Variants in SPOCK3 observed in about 807,000 individuals in gnomAD.
SPOCK3 encodes SPARC (osteonectin), cwcv and kazal like domains proteoglycan 3, also known as testican-3.
Under a neutral mutation model 56.6 loss-of-function variants are expected in SPOCK3, and 30 were observed. That is an observed-to-expected ratio of 0.53 (90% CI 0.40 to 0.72). SPOCK3 has a LOEUF of 0.72. SPOCK3 is among the 30% of genes least tolerant of loss of function. SPOCK3 has a pLI of 0.00. For missense variants in SPOCK3, 527 were observed against 530.0 expected (o/e 0.99, Z 0.06); for synonymous variants, 196 against 183.3 (o/e 1.07, Z -0.56).
chr4:166,870,824 A>T (rs1560954763), intron 6 of SPOCK3, among the ~76,000 whole-genome samples: 1 of 152,056 alleles, frequency 6.6e-6, no homozygotes, highest in East Asian at 1.9e-4. Flanking sequence ...TAATTCCCAC[A>T]TGTCGAGGGA....
At chr4:167,024,312 A>G in intron 3 of SPOCK3, among the ~76,000 whole-genome samples, 1 of 152,094 alleles carries the variant, frequency 6.6e-6, no homozygotes, top group Admixed American at 6.6e-5. Context: ...TAGAAATATC[A>G]TATTATTATT....
At chr4:167,208,900 T>G (rs1264366789) in intron 2 of SPOCK3, among the ~76,000 whole-genome samples, 1 of 152,082 alleles carries the variant, frequency 6.6e-6, no homozygotes, top group Non-Finnish European at 1.5e-5. Context: ...CAGCTTAGAG[T>G]TATATTTGTT....
At chr4:167,009,312 T>G (rs138910521) in intron 3 of SPOCK3, among the ~76,000 whole-genome samples, 1 of 152,220 alleles carries the variant, frequency 6.6e-6, no homozygotes, top group East Asian at 1.9e-4. Context: ...AAAGCTTGGA[T>G]TCCTGAAGAG....
chr4:167,020,818 C>T (rs1315137721), intron 3 of SPOCK3, among the ~76,000 whole-genome samples: 1 of 152,074 alleles, frequency 6.6e-6, no homozygotes, highest in East Asian at 1.9e-4. Flanking sequence ...AGAAGCTCAC[C>T]TCTAATAACC....
At chr4:167,229,089 C>T (rs1189456488) in intron 2 of SPOCK3, among the ~76,000 whole-genome samples, 2 of 152,082 alleles carry the variant, frequency 1.3e-5, no homozygotes, top group Non-Finnish European at 2.9e-5. Context: ...ACCACAGTTA[C>T]AAATGTTGTT....
chr4:167,135,239 GCA>G (rs1763014202), intron 2 of SPOCK3, among the ~76,000 whole-genome samples: 1 of 151,892 alleles, frequency 6.6e-6, no homozygotes, highest in South Asian at 2.1e-4. Flanking sequence ...GTCTGAAAAT[GCA>G]TACATAGAAA....
chr4:166,811,924 T>C (rs77527101), intron 6 of SPOCK3, among the ~76,000 whole-genome samples: 4,666 of 151,970 alleles, frequency 0.031, 119 homozygotes, highest in Non-Finnish European at 0.049. Flanking sequence ...GATTGGCTAA[T>C]AAGGATGTTT....
intron 2 of SPOCK3, among the ~76,000 whole-genome samples, chr4:167,083,042 A>G (rs190071965): frequency 6.6e-6 from 1 of 152,184 alleles, no homozygotes; most frequent in Non-Finnish European, 1.5e-5. Context: ...CTTAAAGAAC[A>G]TTCATTTCAG....
chr4:167,152,224 C>A (rs985257079), intron 2 of SPOCK3, among the ~76,000 whole-genome samples: 14 of 152,122 alleles, frequency 9.2e-5, no homozygotes, highest in Admixed American at 8.5e-4. Flanking sequence ...ACTTAAGATT[C>A]CAAGCTGAAG....
chr4:166,939,414 A>G (rs1023764269), intron 4 of SPOCK3, among the ~76,000 whole-genome samples: 2 of 152,206 alleles, frequency 1.3e-5, no homozygotes, highest in African/African-American at 4.8e-5. Context: ...ACAAAGCAAT[A>G]AAAACAGATA....
chr4:167,031,638 A>G (rs1455435166), intron 3 of SPOCK3, among the ~76,000 whole-genome samples: 1 of 152,056 alleles, frequency 6.6e-6, no homozygotes, highest in African/African-American at 2.4e-5. Flanking sequence ...AAGAAAAACT[A>G]GAGACAAGAC....
chr4:167,127,456 C>T (rs1762372489), intron 2 of SPOCK3, among the ~76,000 whole-genome samples: 1 of 149,460 alleles, frequency 6.7e-6, no homozygotes, highest in Admixed American at 6.7e-5. Context: ...GAGATGGAGT[C>T]TCACTCTGTC....
At chr4:166,898,467 T>C (rs1200269543) in intron 5 of SPOCK3, among the ~76,000 whole-genome samples, 1 of 152,100 alleles carries the variant, frequency 6.6e-6, no homozygotes, top group East Asian at 1.9e-4. Flanking sequence ...GTCACTGTTA[T>C]GTCTGGTTCT....
intron 4 of SPOCK3, among the ~76,000 whole-genome samples, chr4:166,920,203 A>G (rs1738337673): frequency 6.6e-6 from 1 of 152,140 alleles, no homozygotes; most frequent in Admixed American, 6.5e-5. Context: ...CCACATTCCA[A>G]TATTCCATAA....
chr4:167,013,862 A>G (rs892120268), intron 3 of SPOCK3, among the ~76,000 whole-genome samples: 1 of 152,162 alleles, frequency 6.6e-6, no homozygotes, highest in Admixed American at 6.6e-5. Flanking sequence ...TGGGCTATTA[A>G]TTCTAAAATG....
At chr4:167,054,563 A>C (rs572890732) in intron 3 of SPOCK3, among the ~76,000 whole-genome samples, 3 of 152,314 alleles carry the variant, frequency 2.0e-5, no homozygotes, top group African/African-American at 7.2e-5. Context: ...TCACAGAAAA[A>C]TCAGTGTGGA....
chr4:166,754,425 T>C, intron 8 of SPOCK3, 83 bp downstream of exon 8: 2 of 1,500,128 alleles, frequency 1.3e-6, no homozygotes, highest in East Asian at 2.4e-5. Context: ...ATGAGCATAG[T>C]GTACTGTTTT....
intron 7 of SPOCK3, among the ~76,000 whole-genome samples, chr4:166,777,267 T>C (rs1026671815): frequency 6.6e-6 from 1 of 152,152 alleles, no homozygotes; most frequent in African/African-American, 2.4e-5. Flanking sequence ...AACAGTATAA[T>C]AAAAGCAAAA....
intron 4 of SPOCK3, among the ~76,000 whole-genome samples, chr4:166,934,965 A>G (rs936506427): frequency 1.3e-5 from 2 of 152,180 alleles, no homozygotes; most frequent in African/African-American, 4.8e-5. Context: ...TGAAAATTCC[A>G]ATTAGAGGAA....
Sources: gnomAD v4.1 joint callset for allele counts (sites outside exome capture counted in the v4.1 genomes callset) on GRCh38, gnomAD v4.1.1 for gene constraint, MANE v1.5 for transcripts, NCBI Gene and HGNC (gene_info 2026-07-23, HGNC 2026-07-21) for gene names.